ATP6V0D2: variants seen among roughly 807,000 people sequenced by gnomAD.
ATP6V0D2 encodes ATPase H+ transporting V0 subunit d2, also known as V-type proton ATPase subunit d 2.
A neutral mutation model predicts 40.0 loss-of-function variants in ATP6V0D2; 40 were observed. The ratio of observed to expected loss-of-function variants is 1.00; its 90% confidence interval spans 0.78 to 1.30. ATP6V0D2 has a LOEUF of 1.30. ATP6V0D2 is among the 50% of genes most tolerant of loss of function. The pLI is 0.00. For synonymous variants in ATP6V0D2, 179 were observed against 156.3 expected (o/e 1.15, Z -1.08); for missense variants, 470 against 423.1 (o/e 1.11, Z -0.97).
rs533343916 is a variant in ATP6V0D2 at position 86,131,939 on chromosome 8, A to C, written c.303-7518A>C. 2.6e-5 allele frequency among the ~76,000 whole-genome samples: 4 copies of C among 152,328 alleles called. No homozygotes were observed. The South Asian group carries it at 8.3e-4, about 32-fold the overall frequency. Reference sequence around the variant, plus strand: ...ATACATGTCCCCCTAGGTCTACAGGATGCTTTCCAAGGGTTATGGAGACAG... The same window carrying C: ...ATACATGTCCCCCTAGGTCTACAGGCTGCTTTCCAAGGGTTATGGAGACAG... On this transcript the variant is annotated intron_variant, in intron 2 of 7. Coordinates refer to ENST00000285393, the MANE Select transcript of ATP6V0D2 (RefSeq NM_152565.1).
At chr8:86,099,139 G>GAAAAAA in intron 1 of ATP6V0D2, 31 bp downstream of exon 1, 1 of 1,307,224 alleles carries the variant, frequency 7.6e-7, no homozygotes, top group East Asian at 2.8e-5. Context: ...CCTTTAAAAA[G>GAAAAAA]AAAAAAAAAA....
rs114415393 is a variant in ATP6V0D2, at chr8:86,116,317, C to T, written c.302+2437C>T. ...AAATTTATACAAATGGAATCATATT[C>T]CTTCTGTACTTTTTTCCCACTTAAT... On this transcript the variant is annotated intron_variant, in intron 2 of 7. Coordinates refer to ENST00000285393, the MANE Select transcript of ATP6V0D2 (RefSeq NM_152565.1). 5.2e-3 allele frequency among the ~76,000 whole-genome samples: 791 copies of T among 152,274 alleles called. 4 individuals are homozygous for T. The highest frequency in any genetic ancestry group is 0.018 in the African/African-American group (759 of 41,562).
chr8:86,120,349 T>A, intron 2 of ATP6V0D2, among the ~76,000 whole-genome samples: 1 of 152,014 alleles, frequency 6.6e-6, no homozygotes. Context: ...TGCAGAGCCA[T>A]GGTCATACAA....
At chr8:86,107,076 G>GTTGA (rs1424071597) in intron 1 of ATP6V0D2, among the ~76,000 whole-genome samples, 1 of 152,038 alleles carries the variant, frequency 6.6e-6, no homozygotes, top group African/African-American at 2.4e-5. Context: ...CAACTGTGTA[G>GTTGA]TTGATAGGAT....
chr8:86,149,643 A>T (rs955191522), intron 5 of ATP6V0D2, among the ~76,000 whole-genome samples: 2 of 152,238 alleles, frequency 1.3e-5, no homozygotes, highest in African/African-American at 4.8e-5. Context: ...TTATGTAAAA[A>T]GTTATGCTGA....
chr8:86,138,774 T>G (rs1049147405), intron 2 of ATP6V0D2, among the ~76,000 whole-genome samples: 10 of 152,192 alleles, frequency 6.6e-5, no homozygotes, highest in Non-Finnish European at 8.8e-5. Context: ...GCTCTGTGTT[T>G]TTCAACTTTT....
At chr8:86,119,383 C>T (rs1335107924) in intron 2 of ATP6V0D2, among the ~76,000 whole-genome samples, 1 of 152,002 alleles carries the variant, frequency 6.6e-6, no homozygotes, top group African/African-American at 2.4e-5. Context: ...TGCACACCAC[C>T]GTACCCAGCT....
intron 2 of ATP6V0D2, among the ~76,000 whole-genome samples, chr8:86,120,320 G>A (rs372470083): frequency 6.6e-6 from 1 of 152,062 alleles, no homozygotes. Context: ...AGGATTGCTT[G>A]AGTCTAGGAG....
chr8:86,117,175 G>A (rs941513949), intron 2 of ATP6V0D2, among the ~76,000 whole-genome samples: 2 of 151,920 alleles, frequency 1.3e-5, no homozygotes, highest in African/African-American at 2.4e-5. Flanking sequence ...TTTTGCTGTG[G>A]AAACATTGAA....
Position 86,139,466 on chromosome 8 carries a change from T to C in ATP6V0D2, c.312T>C (p.Tyr104=). The C allele has an allele frequency of 6.2e-7, 1 of 1,608,016 alleles. No individual in the cohort carries two copies. The highest frequency in any genetic ancestry group is 1.1e-5 in the South Asian group (1 of 89,730). ...STFLTYMTCS[Y]MIDNVILLMN... ...TTGTCTTCTGAACCAGGTGCAGTTA[T>C]ATGATAGACAATGTGATTCTGCTGA... is the stretch of plus-strand genomic sequence containing the variant. Residue 104 remains tyrosine, a synonymous_variant, in exon 3 of 8, where the codon TAT becomes TAC. Transcript: ENST00000285393.
At chr8:86,127,461 T>C (rs80291774) in intron 2 of ATP6V0D2, among the ~76,000 whole-genome samples, 19,679 of 152,052 alleles carry the variant, frequency 0.13, 1,660 homozygotes, top group East Asian at 0.33. Flanking sequence ...GAAATGCTTT[T>C]TTTTTTTTAA....
intron 2 of ATP6V0D2, among the ~76,000 whole-genome samples, chr8:86,132,004 C>T (rs866473878): frequency 2.0e-5 from 3 of 152,084 alleles, no homozygotes; most frequent in African/African-American, 7.2e-5. Context: ...TCCTGAGTGC[C>T]TATATGTATA....
chr8:86,115,580 G>A (rs554655831), intron 2 of ATP6V0D2, among the ~76,000 whole-genome samples: 1 of 151,466 alleles, frequency 6.6e-6, no homozygotes, highest in African/African-American at 2.4e-5. Flanking sequence ...GTGTTGTCTG[G>A]GCTGGTCTCG....
In ATP6V0D2 at chr8:86,149,494, C is replaced by T. The variant is rs548607099; in HGVS notation, c.640-618C>T. ...CAGCATCTTACAAAGAAGAAAACTT[C>T]TTGCGAGAAAGATGATTTGCCCTAA... On this transcript the variant is annotated intron_variant, in intron 5 of 7. Transcript: ENST00000285393. Among the ~76,000 whole-genome samples, 32 of 152,252 alleles carry T rather than the reference C, an allele frequency of 2.1e-4. No homozygotes were observed. The South Asian group carries it at 5.8e-3, about 28-fold the overall frequency.
At chr8:86,102,885 G>A (rs541753817) in intron 1 of ATP6V0D2, among the ~76,000 whole-genome samples, 3 of 152,018 alleles carry the variant, frequency 2.0e-5, no homozygotes, top group Non-Finnish European at 4.4e-5. Flanking sequence ...CTTTAAAAGT[G>A]ACTTTGAACC....
intron 2 of ATP6V0D2, among the ~76,000 whole-genome samples, chr8:86,139,227 CAA>C (rs35331724): frequency 0.03 from 3,549 of 120,202 alleles, 120 homozygotes; most frequent in African/African-American, 0.096. Context: ...GACTTGGTCT[CAA>C]AAAAAAAAAA....
chr8:86,119,552 G>C (rs1346562116), intron 2 of ATP6V0D2, among the ~76,000 whole-genome samples: 1 of 152,096 alleles, frequency 6.6e-6, no homozygotes, highest in East Asian at 1.9e-4. Flanking sequence ...CTTAGACATG[G>C]AAGGAAACTT....
In ATP6V0D2 at chr8:86,099,084, C is replaced by T. The variant is rs751061768; in HGVS notation, c.106C>T (p.Leu36=). 1.9e-6 allele frequency: 3 copies of T among 1,613,362 alleles called. No individual in the cohort carries two copies. Among genetic ancestry groups the T allele is most frequent in the South Asian group, 2.2e-5 (2 of 91,026 alleles). Residue 36 remains leucine, a synonymous_variant, in exon 1 of 8, where the codon CTG becomes TTG. Coordinates refer to ENST00000285393, the MANE Select transcript of ATP6V0D2 (RefSeq NM_152565.1). ...SLLTQQDYIN[L]VQCETLEDLK... ...CCTGACCCAGCAAGACTATATCAAC[C>T]TGGTCCAGTGTGAGACCCTAGAAGG... is the stretch of plus-strand genomic sequence containing the variant.
chr8:86,109,784 CAA>C (rs1818509038), intron 1 of ATP6V0D2, among the ~76,000 whole-genome samples: 1 of 152,226 alleles, frequency 6.6e-6, no homozygotes, highest in East Asian at 1.9e-4. Context: ...GGTAATTGAG[CAA>C]ATAAATTCTG....
Sources: allele counts gnomAD v4.1 joint callset (sites outside exome capture counted in the v4.1 genomes callset), GRCh38; gene constraint gnomAD v4.1.1; transcripts MANE v1.5; gene names NCBI Gene and HGNC (gene_info 2026-07-23, HGNC 2026-07-21).